Variants in ABCA12 observed in about 807,000 individuals in gnomAD.
ABCA12 encodes glucosylceramide transporter ABCA12.
Under a neutral mutation model 293.5 loss-of-function variants are expected in ABCA12, and 156 were observed. That is an observed-to-expected ratio of 0.53 (90% CI 0.47 to 0.61). ABCA12 has a LOEUF of 0.61. Ranked by LOEUF, ABCA12 falls within the 20% of genes least tolerant of loss-of-function variation. ABCA12 has a pLI of 0.00. For synonymous variants in ABCA12, 1,063 were observed against 1,108.0 expected, an observed-to-expected ratio of 0.96 and a Z score of 0.81; for missense variants, 2,797 against 3,090.2, an observed-to-expected ratio of 0.91 and a Z score of 2.25.
chr2:214,996,410 G>A (rs1375252089), intron 23 of ABCA12, among the ~76,000 whole-genome samples: 1 of 152,054 alleles, frequency 6.6e-6, no homozygotes, highest in Non-Finnish European at 1.5e-5. Context: ...AGTAGAAATG[G>A]ACTCTGTTTC....
intron 6 of ABCA12, 27 bp downstream of exon 6, chr2:215,049,599 C>T (rs1285647287): frequency 1.9e-6 from 3 of 1,563,992 alleles, no homozygotes; most frequent in East Asian, 2.3e-5. Flanking sequence ...TGTTGAGTCA[C>T]TTTGTGGATC....
At chr2:214,989,771 C>G (rs1699875129) in intron 24 of ABCA12, 150 bp from the exon 25 acceptor site, 1 of 796,830 alleles carries the variant, frequency 1.3e-6, no homozygotes, top group African/African-American at 1.8e-5. Flanking sequence ...CAGTCCCTTA[C>G]CAACCATGCT....
intron 36 of ABCA12, among the ~76,000 whole-genome samples, chr2:214,972,282 GT>G (rs1699402765): frequency 6.6e-6 from 1 of 151,696 alleles, no homozygotes; most frequent in Non-Finnish European, 1.5e-5. Flanking sequence ...TGTATGTCTG[GT>G]ATACAGAGCA....
At chr2:215,106,029 G>C (rs1421099815) in intron 2 of ABCA12, among the ~76,000 whole-genome samples, 1 of 152,148 alleles carries the variant, frequency 6.6e-6, no homozygotes, top group Admixed American at 6.6e-5. Flanking sequence ...GGGTGTGCTG[G>C]AGAGCAAGGT....
chr2:214,979,401 ACT>A, intron 31 of ABCA12, among the ~76,000 whole-genome samples: 1 of 150,884 alleles, frequency 6.6e-6, no homozygotes, highest in South Asian at 2.1e-4. Flanking sequence ...ACCACCTCCA[ACT>A]CTCAGCTCAA....
chr2:215,107,809 G>A (rs1354503939), intron 2 of ABCA12, among the ~76,000 whole-genome samples: 1 of 152,208 alleles, frequency 6.6e-6, no homozygotes, highest in Non-Finnish European at 1.5e-5. Flanking sequence ...GTTGTTGTGG[G>A]ATCCATGCAT....
At chr2:214,966,153 C>A (rs1699252404) in intron 39 of ABCA12, among the ~76,000 whole-genome samples, 1 of 152,184 alleles carries the variant, frequency 6.6e-6, no homozygotes, top group East Asian at 1.9e-4. Flanking sequence ...CCAAATACTG[C>A]ACGTTCTCAC....
intron 20 of ABCA12, among the ~76,000 whole-genome samples, chr2:215,002,225 T>G (rs955716372): frequency 1.3e-5 from 2 of 152,190 alleles, no homozygotes; most frequent in Non-Finnish European, 2.9e-5. Context: ...TAGAAACACT[T>G]AAGATACCTG....
intron 7 of ABCA12, among the ~76,000 whole-genome samples, chr2:215,039,488 G>T (rs535153961): frequency 1.3e-5 from 2 of 152,276 alleles, no homozygotes; most frequent in South Asian, 4.1e-4. Context: ...GGGCGCAGTG[G>T]CTCATGCCTG....
At position 214,973,990 on chromosome 2, in the gene ABCA12, T is replaced by G; in HGVS notation, c.5521A>C (p.Ile1841Leu). The change falls in exon 36 of 53, where the codon ATC (isoleucine) becomes CTC (leucine). Residue 1841 changes from isoleucine to leucine, a missense_variant. Coordinates refer to ENST00000272895, the MANE Select transcript of ABCA12 (RefSeq NM_173076.3). The stretch of plus-strand genomic sequence containing the variant: ...CAGGAGCAAACACCAAAATTAGTGA[T>G]GGGTTCTCCACTGGTGTTCCATTTT... ...LEKWNTSGEP[I>L]TNFGVCSCSE... 1 of 1,614,064 alleles carries G rather than the reference T, an allele frequency of 6.2e-7. No homozygotes were observed. The highest frequency in any genetic ancestry group is 8.5e-7 in the Non-Finnish European group (1 of 1,179,956).
chr2:215,046,736 A>G (rs2106050042), intron 6 of ABCA12, among the ~76,000 whole-genome samples: 1 of 152,178 alleles, frequency 6.6e-6, no homozygotes, highest in South Asian at 2.1e-4. Context: ...GTTGCATTAA[A>G]TGTAGATTAT....
Position 214,975,809 on chromosome 2 carries a change from G to A in ABCA12, c.5357C>T (p.Thr1786Ile), listed in dbSNP as rs1430209894. The change falls in exon 34 of 53, where the codon ACC becomes ATC. Residue 1786 changes from threonine (T) to isoleucine (I), a missense_variant. Thr to Ile is a moderately conservative substitution (Grantham distance 89, BLOSUM62 -1). Transcript: ENST00000272895. ...CGCATAGAAGGCTGTCTGTTCGGAGGTACCATAAAGAGAGGGGGAGATCTG... is the reference window on the plus strand; with the variant it reads ...CGCATAGAAGGCTGTCTGTTCGGAGATACCATAAAGAGAGGGGGAGATCTG... ...EIQISPSLYG[T>I]SEQTAFYANY... is the part of the protein sequence containing the mutation. 18 of 1,614,030 alleles carry A rather than the reference G, an allele frequency of 1.1e-5. No homozygotes were observed. Among genetic ancestry groups the A allele is most frequent in the Non-Finnish European group, 1.5e-5 (18 of 1,179,956 alleles).
chr2:215,068,685 C>A (rs566650372), intron 2 of ABCA12, among the ~76,000 whole-genome samples: 1 of 152,008 alleles, frequency 6.6e-6, no homozygotes, highest in Non-Finnish European at 1.5e-5. Context: ...TTCCTCTTTT[C>A]GTTCAATTTC....
chr2:215,019,911 T>A, intron 11 of ABCA12, 115 bp from the exon 12 acceptor site: 3 of 1,286,066 alleles, frequency 2.3e-6, no homozygotes, highest in Non-Finnish European at 3.3e-6. Flanking sequence ...TCTGCCTATG[T>A]ATGTGGTTAG....
chr2:215,045,752 G>A, intron 7 of ABCA12, 85 bp downstream of exon 7: 1 of 1,244,706 alleles, frequency 8.0e-7, no homozygotes, highest in East Asian at 2.4e-5. Flanking sequence ...AAATAACCCA[G>A]ATAACAGTAA....
intron 3 of ABCA12, among the ~76,000 whole-genome samples, chr2:215,059,959 C>T (rs1005195355): frequency 6.6e-6 from 1 of 151,932 alleles, no homozygotes; most frequent in Non-Finnish European, 1.5e-5. Context: ...TTCTGGTAAC[C>T]ACCACCCTAT....
chr2:214,952,141 A>G (rs1359030295), intron 44 of ABCA12, among the ~76,000 whole-genome samples: 1 of 151,804 alleles, frequency 6.6e-6, no homozygotes, highest in Admixed American at 6.6e-5. Flanking sequence ...CAAAGACCCC[A>G]ACTGTAATGT....
intron 34 of ABCA12, among the ~76,000 whole-genome samples, 188 bp downstream of exon 34, chr2:214,975,596 GA>G (rs1206157795): frequency 1.3e-5 from 2 of 152,008 alleles, no homozygotes; most frequent in Non-Finnish European, 2.9e-5. Context: ...CAAAAACTCT[GA>G]AAAAAACTAT....
At chr2:215,051,609 A>AGAGTGTGT (rs1701321759) in intron 5 of ABCA12, among the ~76,000 whole-genome samples, 1 of 121,356 alleles carries the variant, frequency 8.2e-6, no homozygotes, top group Non-Finnish European at 1.8e-5. Flanking sequence ...TAAAAACGCT[A>AGAGTGTGT]GTGTGTGTGT....
Sources: allele counts gnomAD v4.1 joint callset (sites outside exome capture counted in the v4.1 genomes callset), GRCh38; gene constraint gnomAD v4.1.1; transcripts MANE v1.5; gene names NCBI Gene and HGNC (gene_info 2026-07-23, HGNC 2026-07-21).